Variants in FANCA observed in about 807,000 individuals in gnomAD.
FANCA encodes Fanconi anemia group A protein.
FANCA carries 236 observed loss-of-function variants against 194.3 expected under a neutral mutation model. The observed-to-expected ratio is 1.21, with a 90% CI of 1.09 to 1.35. FANCA has a LOEUF of 1.35. Ranked by LOEUF, FANCA falls within the 40% of genes most tolerant of loss-of-function variation. FANCA has a pLI of 0.00. For synonymous variants in FANCA, 1,014 were observed against 715.8 expected (o/e 1.42, Z -6.65); for missense variants, 2,628 against 1,813.9 (o/e 1.45, Z -8.15).
At chr16:89,777,341 C>T (rs935232132) in intron 20 of FANCA, among the ~76,000 whole-genome samples, 2 of 152,102 alleles carry the variant, frequency 1.3e-5, no homozygotes, top group African/African-American at 2.4e-5. Context: ...ATGACTGCAC[C>T]GCTGCATTCC....
At chr16:89,763,903 A>G (rs918524387) in intron 28 of FANCA, among the ~76,000 whole-genome samples, 6 of 130,788 alleles carry the variant, frequency 4.6e-5, no homozygotes, top group African/African-American at 1.8e-4. Flanking sequence ...ACTGTGCCCC[A>G]GAGTAAGACT....
intron 37 of FANCA, among the ~76,000 whole-genome samples, chr16:89,742,325 G>A (rs2062153868): frequency 6.6e-6 from 1 of 151,942 alleles, no homozygotes; most frequent in South Asian, 2.1e-4. Context: ...GGGCATGGTG[G>A]CACACACCTG....
Position 89,809,936 on chromosome 16 carries a change from C to G in FANCA, c.522+771G>C, listed in dbSNP as rs533311879. On this transcript the variant is annotated intron_variant, in intron 5 of 42. Transcript: ENST00000389301. Reference sequence around the variant, plus strand: ...AGCTACTAAGGTGGCTGAGGCAGGACAATCGCTTGAACCTGGGAGGCAGAC... The same window carrying G: ...AGCTACTAAGGTGGCTGAGGCAGGAGAATCGCTTGAACCTGGGAGGCAGAC... Among the ~76,000 whole-genome samples, 98 of 151,026 alleles carry G rather than the reference C, an allele frequency of 6.5e-4. 3 individuals are homozygous for G. In the South Asian group the frequency reaches 0.02, roughly 30 times the overall value.
At chr16:89,756,508 C>A (rs1439779190) in intron 30 of FANCA, among the ~76,000 whole-genome samples, 1 of 152,078 alleles carries the variant, frequency 6.6e-6, no homozygotes, top group African/African-American at 2.4e-5. Flanking sequence ...GCCTGTGGTC[C>A]CAGCTACTTG....
At chr16:89,807,693 G>C (rs1220897524) in intron 6 of FANCA, among the ~76,000 whole-genome samples, 2 of 151,680 alleles carry the variant, frequency 1.3e-5, no homozygotes, top group African/African-American at 4.8e-5. Context: ...GCCCATCCTG[G>C]CTAACATGGT....
chr16:89,814,469 T>C (rs968700282), intron 3 of FANCA, 51 bp downstream of exon 3: 4 of 1,369,918 alleles, frequency 2.9e-6, no homozygotes, highest in African/African-American at 1.4e-5. Context: ...ATGGTTACTA[T>C]ATAAAAACCC....
At chr16:89,747,282 G>T (rs1448303208) in intron 33 of FANCA, among the ~76,000 whole-genome samples, 5 of 152,242 alleles carry the variant, frequency 3.3e-5, no homozygotes, top group Non-Finnish European at 4.4e-5. Flanking sequence ...GTGTTTTCCT[G>T]TCTGTCGGCT....
chr16:89,771,996 G>A (rs1264071539), intron 22 of FANCA, among the ~76,000 whole-genome samples, 182 bp from the exon 23 acceptor site: 4 of 152,168 alleles, frequency 2.6e-5, no homozygotes, highest in Non-Finnish European at 5.9e-5. Context: ...GCCTTGTGGT[G>A]CAGCATGTGT....
Position 89,803,246 on chromosome 16 carries a change from C to G in FANCA, c.792+13G>C. ...TCCTTCCGCTAAACTCTTCACTTGA[C>G]TTTTCCTCCTACCTGCGGCATTTTT... On this transcript the variant is annotated intron_variant, in intron 8 of 42. Transcript: ENST00000389301. 1 of 1,613,488 alleles carries G rather than the reference C, an allele frequency of 6.2e-7. No individual in the cohort carries two copies. Among genetic ancestry groups the G allele is most frequent in the Non-Finnish European group, 8.5e-7 (1 of 1,179,372 alleles).
At chr16:89,811,906 A>T (rs968733357) in intron 3 of FANCA, among the ~76,000 whole-genome samples, 1 of 151,502 alleles carries the variant, frequency 6.6e-6, no homozygotes, top group Non-Finnish European at 1.5e-5. Flanking sequence ...AATTTTTTGT[A>T]TTTTTAGTAG....
chr16:89,816,495 G>A (rs906567264), intron 1 of FANCA, 42 bp downstream of exon 1: 2 of 1,454,082 alleles, frequency 1.4e-6, no homozygotes, highest in African/African-American at 1.5e-5. Context: ...ACCGTCCCGG[G>A]CCGGACGCCG....
Position 89,738,194 on chromosome 16 carries a change from C to G in FANCA, c.*407G>C, listed in dbSNP as rs752058479. On this transcript the variant is annotated 3_prime_UTR_variant, in exon 43 of 43. Coordinates refer to ENST00000389301, the MANE Select transcript of FANCA (RefSeq NM_000135.4). ...GAGGCGGAACCACCACCTGGGCCACCGAGCCCCTCTGTGACCACAGAGGGC... is the reference window on the plus strand; with the variant it reads ...GAGGCGGAACCACCACCTGGGCCACGGAGCCCCTCTGTGACCACAGAGGGC... The G allele has an allele frequency of 6.2e-7, 1 of 1,610,898 alleles. No individual in the cohort carries two copies. The highest frequency in any genetic ancestry group is 8.5e-7 in the Non-Finnish European group (1 of 1,179,106).
chr16:89,800,741 C>A (rs954721160), intron 8 of FANCA, among the ~76,000 whole-genome samples: 51 of 152,082 alleles, frequency 3.4e-4, no homozygotes, highest in African/African-American at 1.1e-3. Flanking sequence ...ATAGAGAACC[C>A]AGAAACAGGC....
At chr16:89,750,423 C>T (rs1477751559) in intron 31 of FANCA, among the ~76,000 whole-genome samples, 1 of 151,474 alleles carries the variant, frequency 6.6e-6, no homozygotes, top group African/African-American at 2.4e-5. Context: ...GTGGAGCTTG[C>T]AGTGAGCCCA....
At chr16:89,790,022 G>C (rs2040015839) in intron 14 of FANCA, among the ~76,000 whole-genome samples, 1 of 152,130 alleles carries the variant, frequency 6.6e-6, no homozygotes, top group Non-Finnish European at 1.5e-5. Context: ...CTGTCAGAGA[G>C]CACACTGTGT....
chr16:89,764,104 T>C (rs1395936639), intron 28 of FANCA, among the ~76,000 whole-genome samples: 1 of 151,080 alleles, frequency 6.6e-6, no homozygotes, highest in African/African-American at 2.4e-5. Context: ...TAGTCGGGCG[T>C]GGTGGCAGGC....
intron 37 of FANCA, among the ~76,000 whole-genome samples, chr16:89,742,482 A>G (rs1030556275): frequency 6.6e-6 from 1 of 151,980 alleles, no homozygotes; most frequent in Non-Finnish European, 1.5e-5. Context: ...AACTGAAATT[A>G]TTATTTTTAC....
At chr16:89,782,802 G>C (rs1490310039) in intron 17 of FANCA, 57 bp downstream of exon 17, 1 of 1,465,550 alleles carries the variant, frequency 6.8e-7, no homozygotes, top group East Asian at 2.3e-5. Context: ...AAAGAAACTG[G>C]ACCTTTGCAT....
At chr16:89,773,722 G>A (rs879824339) in intron 21 of FANCA, among the ~76,000 whole-genome samples, 2 of 151,918 alleles carry the variant, frequency 1.3e-5, no homozygotes, top group African/African-American at 4.8e-5. Flanking sequence ...GCTGGCGAGG[G>A]TGGGGACAGG....
Sources: gnomAD v4.1 joint callset for allele counts (sites outside exome capture counted in the v4.1 genomes callset) on GRCh38, gnomAD v4.1.1 for gene constraint, MANE v1.5 for transcripts, NCBI Gene and HGNC (gene_info 2026-07-23, HGNC 2026-07-21) for gene names.